The following FGF7 variants were observed in gnomAD, a reference collection of about 807,000 sequenced individuals.
FGF7 encodes fibroblast growth factor 7.
FGF7 carries 6 observed loss-of-function variants against 20.5 expected under a neutral mutation model. That is an observed-to-expected ratio of 0.29 (90% CI 0.16 to 0.58). The LOEUF (loss-of-function observed/expected upper bound fraction) is 0.58. Among genes scored for constraint, FGF7 ranks in the 20% least tolerant of loss-of-function variants. The probability of loss-of-function intolerance (pLI) is 0.90; values close to 1 mark genes in which losing one functional copy is unlikely to be tolerated. For missense variants in FGF7, 144 were observed against 228.8 expected, an observed-to-expected ratio of 0.63 and a Z score of 2.39; for synonymous variants, 64 against 74.7, an observed-to-expected ratio of 0.86 and a Z score of 0.74.
Position 49,424,241 on chromosome 15 carries a change from C to G in FGF7, c.-57C>G. 2.7e-6 allele frequency: 4 copies of G among 1,476,982 alleles called. No individual in the cohort carries two copies. The highest frequency in any genetic ancestry group is 3.7e-6 in the Non-Finnish European group (4 of 1,070,104). 91.5% of individuals were successfully genotyped at this position (1,476,982 alleles called of 1,614,324 possible). A position where few individuals can be genotyped will look rare whatever the true frequency, so the allele number is the denominator to read the frequency against. Reference sequence around the variant, plus strand: ...AGGTCAATGACCTAGGAGTAACAATCAACTCAAGATTCATTTTCATTATGT... The same window carrying G: ...AGGTCAATGACCTAGGAGTAACAATGAACTCAAGATTCATTTTCATTATGT... On this transcript the variant is annotated 5_prime_UTR_variant, in exon 2 of 4. It adds an upstream start codon to the 5' untranslated region. Coordinates refer to ENST00000267843, the MANE Select transcript of FGF7 (RefSeq NM_002009.4).
intron 2 of FGF7, among the ~76,000 whole-genome samples, chr15:49,453,867 A>G (rs575145891): frequency 1.3e-5 from 2 of 152,270 alleles, no homozygotes; most frequent in African/African-American, 4.8e-5. Context: ...CATTTTACAT[A>G]AGAGTTCTGA....
chr15:49,431,162 TAG>T (rs1479769704), intron 2 of FGF7, among the ~76,000 whole-genome samples: 1 of 151,838 alleles, frequency 6.6e-6, no homozygotes, highest in African/African-American at 2.4e-5. Flanking sequence ...TTCAATGAAA[TAG>T]ACTTTAATAT....
intron 2 of FGF7, among the ~76,000 whole-genome samples, chr15:49,431,815 C>T (rs1269898188): frequency 6.6e-6 from 1 of 151,690 alleles, no homozygotes; most frequent in Non-Finnish European, 1.5e-5. Flanking sequence ...TATAGCCCCA[C>T]TAACTTTCTT....
intron 2 of FGF7, among the ~76,000 whole-genome samples, chr15:49,454,996 G>C (rs915827020): frequency 1.3e-5 from 2 of 152,142 alleles, no homozygotes; most frequent in Non-Finnish European, 2.9e-5. Context: ...AGGTGGGATG[G>C]AAAACAGGTA....
At chr15:49,442,788 C>CTG (rs2051793385) in intron 2 of FGF7, among the ~76,000 whole-genome samples, 1 of 151,720 alleles carries the variant, frequency 6.6e-6, no homozygotes, top group African/African-American at 2.4e-5. Flanking sequence ...TACCCAACCA[C>CTG]TGGCTTTTCT....
intron 2 of FGF7, among the ~76,000 whole-genome samples, chr15:49,429,387 T>C (rs1348792093): frequency 6.6e-6 from 1 of 151,978 alleles, no homozygotes; most frequent in Non-Finnish European, 1.5e-5. Flanking sequence ...TTTTTGGCTA[T>C]CACATGTGCC....
chr15:49,482,443 G>A (rs2056036769), intron 2 of FGF7, among the ~76,000 whole-genome samples: 2 of 152,040 alleles, frequency 1.3e-5, no homozygotes, highest in African/African-American at 4.8e-5. Context: ...GTCTTTTAAT[G>A]TATCAAAATA....
At position 49,424,211 on chromosome 15, in the gene FGF7, G is replaced by A. The variant is rs1158134644; in HGVS notation, c.-87G>A. The A allele has an allele frequency of 8.5e-7, 1 of 1,178,510 alleles. No individual in the cohort carries two copies. Among genetic ancestry groups the A allele is most frequent in the Non-Finnish European group, 1.2e-6 (1 of 815,254 alleles). The allele number at this position is 1,178,510 out of a possible 1,614,324, so 73.0% of individuals were successfully genotyped here. A position where few individuals can be genotyped will look rare whatever the true frequency, so the allele number is the denominator to read the frequency against. The stretch of plus-strand genomic sequence containing the variant: ...TAAATCAATCTACAATTCACAGATA[G>A]GAAGAGGTCAATGACCTAGGAGTAA... On this transcript the variant is annotated 5_prime_UTR_variant, in exon 2 of 4. Coordinates refer to ENST00000267843, the MANE Select transcript of FGF7 (RefSeq NM_002009.4).
Position 49,445,419 on chromosome 15 carries a change from T to C in FGF7, c.286+20836T>C, listed in dbSNP as rs577266154. Among the ~76,000 whole-genome samples the C allele has an allele frequency of 4.6e-5, 7 of 151,730 alleles. No individual in the cohort carries two copies. In the South Asian group the frequency reaches 1.2e-3, roughly 27 times the overall value. On this transcript the variant is annotated intron_variant, in intron 2 of 3. Coordinates refer to ENST00000267843, the MANE Select transcript of FGF7 (RefSeq NM_002009.4). ...AAACTTATTTTTATCATGCTAAATT[T>C]TCCTCTCTAGACATTTTTCCCACTT...
rs1216525387 is a variant in FGF7 at position 49,488,067 on chromosome 15, T to C, written c.*3563T>C. 6.6e-6 allele frequency: 1 copy of C among 151,972 alleles called. No homozygotes were observed. The highest frequency in any genetic ancestry group is 1.5e-5 in the Non-Finnish European group (1 of 67,920). 9.4% of individuals were successfully genotyped at this position (151,972 alleles called of 1,614,324 possible). ...TTTAACAGTCAGTATGGGTGATTAC[T>C]GGCCAATCAGAATACATCACTGATA... On this transcript the variant is annotated 3_prime_UTR_variant, in exon 4 of 4. Coordinates refer to ENST00000267843, the MANE Select transcript of FGF7 (RefSeq NM_002009.4).
At chr15:49,467,188 C>T (rs372858116) in intron 2 of FGF7, among the ~76,000 whole-genome samples, 36 of 152,226 alleles carry the variant, frequency 2.4e-4, no homozygotes, top group African/African-American at 8.4e-4. Flanking sequence ...ATCATCTAAG[C>T]TGCTGTCTCT....
intron 2 of FGF7, among the ~76,000 whole-genome samples, chr15:49,452,547 A>G (rs2052857210): frequency 6.6e-6 from 1 of 152,222 alleles, no homozygotes; most frequent in South Asian, 2.1e-4. Flanking sequence ...AGATTTTTTA[A>G]TGCAGTTACA....
rs1245457704 is a variant in FGF7 at position 49,485,268 on chromosome 15, T to A, written c.*764T>A. ...TTACTTGCCACAAAATAACATTTTA[T>A]AAATCCTCAAAGTAAAATTGAGAAA... is the stretch of plus-strand genomic sequence containing the variant. On this transcript the variant is annotated 3_prime_UTR_variant, in exon 4 of 4. Transcript: ENST00000267843. The A allele has an allele frequency of 6.6e-6, 1 of 152,338 alleles. No individual in the cohort carries two copies. The highest frequency in any genetic ancestry group is 1.5e-5 in the Non-Finnish European group (1 of 67,890). 9.4% of individuals were successfully genotyped at this position (152,338 alleles called of 1,614,324 possible). A position where few individuals can be genotyped will look rare whatever the true frequency, so the allele number is the denominator to read the frequency against.
At chr15:49,464,985 C>A (rs2054133425) in intron 2 of FGF7, among the ~76,000 whole-genome samples, 1 of 152,014 alleles carries the variant, frequency 6.6e-6, no homozygotes, top group Non-Finnish European at 1.5e-5. Flanking sequence ...TAACTAGTTT[C>A]TAATTAAGAA....
At chr15:49,468,063 C>A (rs1041952526) in intron 2 of FGF7, among the ~76,000 whole-genome samples, 1 of 152,062 alleles carries the variant, frequency 6.6e-6, no homozygotes, top group Non-Finnish European at 1.5e-5. Flanking sequence ...GAAAGTATTG[C>A]TATAATTGTA....
At chr15:49,452,980 C>G (rs931466990) in intron 2 of FGF7, among the ~76,000 whole-genome samples, 4 of 151,898 alleles carry the variant, frequency 2.6e-5, no homozygotes, top group Non-Finnish European at 4.4e-5. Context: ...TCCATAGGGC[C>G]CAAATTCACA....
intron 2 of FGF7, among the ~76,000 whole-genome samples, chr15:49,467,229 T>C (rs1479834082): frequency 6.6e-6 from 1 of 152,198 alleles, no homozygotes; most frequent in Non-Finnish European, 1.5e-5. Context: ...TAACATGCTT[T>C]GTGACTCCTA....
chr15:49,463,551 A>C (rs1165072331), intron 2 of FGF7, among the ~76,000 whole-genome samples: 1 of 47,850 alleles, frequency 2.1e-5, no homozygotes, highest in Non-Finnish European at 3.9e-5. Context: ...ATTCCGTCTC[A>C]AAAAAAAAAA....
At chr15:49,428,386 C>T (rs1442070070) in intron 2 of FGF7, among the ~76,000 whole-genome samples, 4 of 151,914 alleles carry the variant, frequency 2.6e-5, no homozygotes, top group African/African-American at 9.7e-5. Flanking sequence ...ATTTTCTCTG[C>T]AGAAGAAGAA....
Sources: allele counts gnomAD v4.1 joint callset (sites outside exome capture counted in the v4.1 genomes callset), GRCh38; gene constraint gnomAD v4.1.1; transcripts MANE v1.5; gene names NCBI Gene and HGNC (gene_info 2026-07-23, HGNC 2026-07-21).